XPO4: variants seen among roughly 807,000 people sequenced by gnomAD.
XPO4 encodes the protein exportin-4.
In XPO4, 39 loss-of-function variants were observed where a neutral mutation model predicts 143.0. That is an observed-to-expected ratio of 0.27 (90% CI 0.21 to 0.36). The LOEUF is 0.36. Among genes scored for constraint, XPO4 ranks in the 10% least tolerant of loss-of-function variants. The probability of loss-of-function intolerance (pLI) is 1.00; values close to 1 mark genes in which losing one functional copy is unlikely to be tolerated. For missense variants in XPO4, 907 were observed against 1,348.0 expected, an observed-to-expected ratio of 0.67 and a Z score of 5.12; for synonymous variants, 439 against 474.0, an observed-to-expected ratio of 0.93 and a Z score of 0.96.
At chr13:20,848,956 T>C (rs144767234) in intron 4 of XPO4, 15,983 of 985,394 alleles carry the variant, frequency 0.016, 155 homozygotes, top group Middle Eastern at 0.021. Flanking sequence ...GTAACTCTTA[T>C]CTTCACATTG....
chr13:20,788,689 A>T lies in XPO4; in HGVS notation c.2917-73T>A, dbSNP rs2059239240. 1.7e-5 allele frequency: 23 copies of T among 1,353,148 alleles called. No individual in the cohort carries two copies. The East Asian group carries it at 5.9e-4, about 34-fold the overall frequency. 83.8% of individuals were successfully genotyped at this position (1,353,148 alleles called of 1,614,324 possible). A position where few individuals can be genotyped will look rare whatever the true frequency, so the allele number is the denominator to read the frequency against. On this transcript the variant is annotated intron_variant, in intron 19 of 22. Coordinates refer to ENST00000255305, the MANE Select transcript of XPO4 (RefSeq NM_022459.5). ...TCTATTTTCATCAATGCAATAAAATAAAGTAACTGACAAGCTTCTAAATAT... is the reference window on the plus strand; with the variant it reads ...TCTATTTTCATCAATGCAATAAAATTAAGTAACTGACAAGCTTCTAAATAT...
At chr13:20,857,952 C>A (rs1296315871) in intron 3 of XPO4, 1 of 985,056 alleles carries the variant, frequency 1.0e-6, no homozygotes, top group Non-Finnish European at 1.2e-6. Flanking sequence ...ATGGGAAGTA[C>A]ACATTATTTA....
At chr13:20,811,492 T>G (rs1208338991) in intron 9 of XPO4, among the ~76,000 whole-genome samples, 1 of 152,076 alleles carries the variant, frequency 6.6e-6, no homozygotes, top group Non-Finnish European at 1.5e-5. Flanking sequence ...TTTGCCATGT[T>G]GGCCAGGATG....
At chr13:20,862,636 A>T (rs1307474746) in intron 3 of XPO4, 81 bp downstream of exon 3, 2 of 1,574,324 alleles carry the variant, frequency 1.3e-6, no homozygotes, top group Admixed American at 3.7e-5. Flanking sequence ...AAAAGTTTTT[A>T]AAATGCAAAC....
At chr13:20,808,271 C>T (rs2059533215) in intron 12 of XPO4, among the ~76,000 whole-genome samples, 165 bp downstream of exon 12, 1 of 152,070 alleles carries the variant, frequency 6.6e-6, no homozygotes, top group African/African-American at 2.4e-5. Context: ...TACATATTAG[C>T]CAGTATTTTT....
At chr13:20,863,887 T>C (rs186947113) in intron 2 of XPO4, among the ~76,000 whole-genome samples, 2 of 152,132 alleles carry the variant, frequency 1.3e-5, no homozygotes, top group Non-Finnish European at 2.9e-5. Flanking sequence ...CACACCATTT[T>C]CTCTCCTATT....
chr13:20,795,261 C>T (rs546661022), intron 18 of XPO4, among the ~76,000 whole-genome samples: 1 of 152,262 alleles, frequency 6.6e-6, no homozygotes, highest in Admixed American at 6.5e-5. Flanking sequence ...TCAAGGTTGG[C>T]AGTGAGATAG....
intron 9 of XPO4, among the ~76,000 whole-genome samples, chr13:20,810,798 T>C (rs144308369): frequency 9.2e-5 from 14 of 152,344 alleles, no homozygotes; most frequent in Admixed American, 2.0e-4. Context: ...TGAGGCTGTA[T>C]ACGCTTCAAG....
intron 21 of XPO4, 73 bp downstream of exon 21, chr13:20,787,408 A>G: frequency 7.3e-7 from 1 of 1,366,324 alleles, no homozygotes; most frequent in East Asian, 2.3e-5. Flanking sequence ...TCCTCATTTG[A>G]ATGCAGAATT....
At chr13:20,797,533 A>G (rs2059374774) in intron 16 of XPO4, among the ~76,000 whole-genome samples, 1 of 152,170 alleles carries the variant, frequency 6.6e-6, no homozygotes, top group African/African-American at 2.4e-5. Context: ...AAGAGTACTC[A>G]TATTCAAGAG....
At chr13:20,869,766 G>A (rs767132318) in intron 1 of XPO4, 2 of 182,584 alleles carry the variant, frequency 1.1e-5, no homozygotes, top group Non-Finnish European at 2.1e-5. Flanking sequence ...TAATCATATA[G>A]CACCCTCTAC....
At chr13:20,884,238 G>C (rs1382629444) in intron 1 of XPO4, among the ~76,000 whole-genome samples, 1 of 152,044 alleles carries the variant, frequency 6.6e-6, no homozygotes, top group Admixed American at 6.6e-5. Context: ...TAAATAGCTG[G>C]GCATGATGGC....
intron 3 of XPO4, chr13:20,857,846 T>C (rs1354769856): frequency 1.0e-6 from 1 of 985,280 alleles, no homozygotes; most frequent in African/African-American, 1.7e-5. Flanking sequence ...TATGCTACAC[T>C]TGCCTCTTTC....
chr13:20,855,561 A>G, intron 4 of XPO4, 66 bp downstream of exon 4: 3 of 1,365,420 alleles, frequency 2.2e-6, no homozygotes, highest in Non-Finnish European at 2.9e-6. Context: ...TACTCTTGCT[A>G]TAATGCTATT....
At chr13:20,902,527 C>T in intron 1 of XPO4, 143 bp downstream of exon 1, 1 of 1,327,712 alleles carries the variant, frequency 7.5e-7, no homozygotes, top group Non-Finnish European at 9.6e-7. Context: ...AATCCTGCGC[C>T]ACGCCACCGC....
intron 20 of XPO4, among the ~76,000 whole-genome samples, chr13:20,787,964 C>T (rs2059228073): frequency 6.6e-6 from 1 of 151,906 alleles, no homozygotes; most frequent in Non-Finnish European, 1.5e-5. Flanking sequence ...CTGAATGCCT[C>T]AGAGATCTAT....
At chr13:20,827,492 A>T (rs2059798898) in intron 6 of XPO4, among the ~76,000 whole-genome samples, 1 of 152,246 alleles carries the variant, frequency 6.6e-6, no homozygotes, top group African/African-American at 2.4e-5. Flanking sequence ...ACTGCAAAGC[A>T]TATGCCAAAA....
At chr13:20,826,904 T>C (rs2059792015) in intron 7 of XPO4, among the ~76,000 whole-genome samples, 163 bp downstream of exon 7, 1 of 152,338 alleles carries the variant, frequency 6.6e-6, no homozygotes, top group Admixed American at 6.5e-5. Flanking sequence ...TTTTATAAAT[T>C]AGCAAGAACC....
intron 1 of XPO4, among the ~76,000 whole-genome samples, chr13:20,891,755 C>T (rs1251609494): frequency 3.3e-5 from 5 of 150,364 alleles, no homozygotes; most frequent in Non-Finnish European, 7.4e-5. Context: ...CCCAGCTACT[C>T]GGGAGGCTGA....
Sources: allele counts gnomAD v4.1 joint callset (sites outside exome capture counted in the v4.1 genomes callset), GRCh38; gene constraint gnomAD v4.1.1; transcripts MANE v1.5; gene names NCBI Gene and HGNC (gene_info 2026-07-23, HGNC 2026-07-21).